The following ASIC2 variants were observed in gnomAD, a reference collection of about 807,000 sequenced individuals.
The protein encoded by ASIC2 is acid-sensing ion channel 2.
ASIC2 carries 25 observed loss-of-function variants against 57.3 expected under a neutral mutation model. That is an observed-to-expected ratio of 0.44 (90% CI 0.32 to 0.61). The LOEUF (loss-of-function observed/expected upper bound fraction) is 0.61. ASIC2 is among the 20% of genes least tolerant of loss of function. The pLI is 0.06. For missense variants in ASIC2, 641 were observed against 738.1 expected, an observed-to-expected ratio of 0.87 and a Z score of 1.52; for synonymous variants, 319 against 307.5, an observed-to-expected ratio of 1.04 and a Z score of -0.39.
chr17:33,980,735 T>G (rs1025297725), intron 1 of ASIC2: 20 of 152,208 alleles, frequency 1.3e-4, no homozygotes, highest in African/African-American at 4.6e-4. Context: ...AGATCATGCC[T>G]TCTTTACAGG....
chr17:33,539,186 A>G (rs1157615335), intron 1 of ASIC2, among the ~76,000 whole-genome samples: 4 of 152,212 alleles, frequency 2.6e-5, no homozygotes, highest in African/African-American at 7.2e-5. Context: ...ATTTCTCACT[A>G]GCAGATTCTT....
chr17:33,309,215 G>C (rs913315231), intron 1 of ASIC2, among the ~76,000 whole-genome samples: 11 of 150,432 alleles, frequency 7.3e-5, no homozygotes, highest in Admixed American at 3.3e-4. Context: ...CTCAGATATT[G>C]ACTTTCAAAA....
At chr17:33,090,212 C>T (rs1371574919) in intron 2 of ASIC2, among the ~76,000 whole-genome samples, 2 of 152,224 alleles carry the variant, frequency 1.3e-5, no homozygotes, top group African/African-American at 4.8e-5. Context: ...TCCCACTTGT[C>T]ACTGAAGATT....
intron 1 of ASIC2, among the ~76,000 whole-genome samples, chr17:33,867,867 A>G (rs1914283677): frequency 6.6e-6 from 1 of 152,186 alleles, no homozygotes; most frequent in Non-Finnish European, 1.5e-5. Context: ...CACACCAGAG[A>G]TACAGCACTG....
chr17:33,329,532 C>T (rs1382100088), intron 1 of ASIC2, among the ~76,000 whole-genome samples: 1 of 152,168 alleles, frequency 6.6e-6, no homozygotes, highest in Non-Finnish European at 1.5e-5. Flanking sequence ...AGTGGCTTGG[C>T]TAAGGTCAAG....
chr17:33,800,182 G>T (rs867652608), intron 1 of ASIC2, among the ~76,000 whole-genome samples: 5 of 152,178 alleles, frequency 3.3e-5, no homozygotes, highest in Admixed American at 2.6e-4. Context: ...ATAATTCCTG[G>T]TCAGACCCAT....
intron 1 of ASIC2, among the ~76,000 whole-genome samples, chr17:33,168,241 T>C (rs1597613424): frequency 6.6e-6 from 1 of 152,236 alleles, no homozygotes; most frequent in Non-Finnish European, 1.5e-5. Flanking sequence ...GTCTGTGGCA[T>C]TCTGGTAAGA....
chr17:33,897,860 G>T (rs1442534181), intron 1 of ASIC2, among the ~76,000 whole-genome samples: 1 of 152,152 alleles, frequency 6.6e-6, no homozygotes. Flanking sequence ...AAGTCTAAGA[G>T]TGAGGATAAA....
At chr17:33,170,682 C>T (rs1410178488) in intron 1 of ASIC2, among the ~76,000 whole-genome samples, 4 of 152,176 alleles carry the variant, frequency 2.6e-5, no homozygotes, top group Non-Finnish European at 5.9e-5. Context: ...GGCTAGAAAC[C>T]CAGCAGGACA....
At chr17:33,373,341 C>G (rs1909154998) in intron 1 of ASIC2, among the ~76,000 whole-genome samples, 2 of 152,246 alleles carry the variant, frequency 1.3e-5, no homozygotes, top group South Asian at 4.1e-4. Context: ...TCTAAGCTGT[C>G]CTTGGTCATT....
At chr17:34,020,285 C>T (rs1350011608) in intron 1 of ASIC2, among the ~76,000 whole-genome samples, 2 of 152,124 alleles carry the variant, frequency 1.3e-5, no homozygotes, top group African/African-American at 4.8e-5. Flanking sequence ...ATAAATGGCT[C>T]CACTCCGCCT....
intron 1 of ASIC2, among the ~76,000 whole-genome samples, chr17:33,859,442 A>G (rs576913568): frequency 6.6e-6 from 1 of 152,302 alleles, no homozygotes; most frequent in East Asian, 1.9e-4. Flanking sequence ...AGGCAATATT[A>G]CCGTCCATCT....
intron 1 of ASIC2, among the ~76,000 whole-genome samples, chr17:34,149,986 C>A (rs1401677469): frequency 1.3e-5 from 2 of 152,154 alleles, no homozygotes; most frequent in African/African-American, 4.8e-5. Context: ...TGGAATCAAC[C>A]TAGTGTCCAT....
At chr17:33,910,190 A>T (rs1915431730) in intron 1 of ASIC2, among the ~76,000 whole-genome samples, 1 of 152,154 alleles carries the variant, frequency 6.6e-6, no homozygotes, top group African/African-American at 2.4e-5. Flanking sequence ...GAATAAGGGG[A>T]TATCTGTCCT....
intron 1 of ASIC2, among the ~76,000 whole-genome samples, chr17:33,331,353 A>C (rs917594096): frequency 2.6e-5 from 4 of 152,182 alleles, no homozygotes; most frequent in Non-Finnish European, 4.4e-5. Flanking sequence ...AAAGAAACTA[A>C]GGCTCAAAGA....
rs2091932825 is a variant in ASIC2 at position 33,042,252 on chromosome 17, C to T, written c.988-13860G>A. ...AGCACAGAAGCAGTGAGACACCCTC[C>T]TCCTGCCTCTGCCTGGCTTCAGTAA... On this transcript the variant is annotated intron_variant, in intron 3 of 9. Coordinates refer to ENST00000225823, the MANE Select transcript of ASIC2 (RefSeq NM_183377.2). Among the ~76,000 whole-genome samples, 4 of 152,192 alleles carry T rather than the reference C, an allele frequency of 2.6e-5. 1 individual carries two copies. In the South Asian group the frequency reaches 8.3e-4, roughly 32 times the overall value.
chr17:33,768,475 C>A (rs1472505789), intron 1 of ASIC2, among the ~76,000 whole-genome samples: 1 of 152,088 alleles, frequency 6.6e-6, no homozygotes, highest in African/African-American at 2.4e-5. Flanking sequence ...AAATGGGCCT[C>A]AAGCTGAGGA....
chr17:33,298,981 G>C (rs1428735207), intron 1 of ASIC2, among the ~76,000 whole-genome samples: 1 of 152,198 alleles, frequency 6.6e-6, no homozygotes, highest in Non-Finnish European at 1.5e-5. Context: ...TCATGGATAA[G>C]AGGAATCAAT....
chr17:33,557,210 A>C (rs1261235355), intron 1 of ASIC2, among the ~76,000 whole-genome samples: 3 of 138,642 alleles, frequency 2.2e-5, no homozygotes, highest in African/African-American at 3.3e-5. Flanking sequence ...TACAAATGTT[A>C]AGTAACTTAT....
Sources: gnomAD v4.1 joint callset for allele counts (sites outside exome capture counted in the v4.1 genomes callset) on GRCh38, gnomAD v4.1.1 for gene constraint, MANE v1.5 for transcripts, NCBI Gene and HGNC (gene_info 2026-07-23, HGNC 2026-07-21) for gene names.